UBE2D3: variants seen among roughly 807,000 people sequenced by gnomAD.
The protein encoded by UBE2D3 is ubiquitin conjugating enzyme E2 D3, also known as ubiquitin-conjugating enzyme E2 D3.
Under a neutral mutation model 22.8 loss-of-function variants are expected in UBE2D3, and 2 were observed. The ratio of observed to expected loss-of-function variants is 0.09; its 90% CI spans 0.04 to 0.28. The LOEUF (loss-of-function observed/expected upper bound fraction) is 0.28. Among genes scored for constraint, UBE2D3 ranks in the 10% least tolerant of loss-of-function variants. UBE2D3 has a pLI of 1.00. For missense variants in UBE2D3, 27 were observed against 182.5 expected, an observed-to-expected ratio of 0.15 and a Z score of 4.91; for synonymous variants, 56 against 60.4, an observed-to-expected ratio of 0.93 and a Z score of 0.34.
intron 1 of UBE2D3, among the ~76,000 whole-genome samples, chr4:102,835,814 T>G (rs141473023): frequency 6.6e-6 from 1 of 152,308 alleles, no homozygotes; most frequent in East Asian, 1.9e-4. Flanking sequence ...AAAATCAAGA[T>G]AATGAACTTC....
chr4:102,828,020 G>A (rs1163480783), upstream of UBE2D3: 1 of 985,458 alleles, frequency 1.0e-6, no homozygotes, highest in Non-Finnish European at 1.2e-6. Flanking sequence ...TGACTTAAGA[G>A]CAGTTTTGTG....
upstream of UBE2D3, chr4:102,827,680 G>A: frequency 2.0e-6 from 2 of 986,022 alleles, no homozygotes; most frequent in Non-Finnish European, 2.4e-6. Flanking sequence ...TGCTTCCCAC[G>A]TCCGGGGCCG....
At chr4:102,824,799 C>T (rs113904676) in intron 2 of UBE2D3, among the ~76,000 whole-genome samples, 1,605 of 152,284 alleles carry the variant, frequency 0.011, 21 homozygotes, top group African/African-American at 0.036. Context: ...TTTATTTGTA[C>T]TGAATGTTAT....
chr4:102,812,407 G>T (rs1290702897), intron 2 of UBE2D3: 2 of 152,198 alleles, frequency 1.3e-5, no homozygotes, highest in Non-Finnish European at 2.9e-5. Context: ...GGAAATAAAT[G>T]AGTCCTCTAA....
At position 102,826,523 on chromosome 4, in the gene UBE2D3, G is replaced by T. The variant is rs761442131; in HGVS notation, c.-15C>A. On this transcript the variant is annotated 5_prime_UTR_variant, in exon 2 of 8. Transcript: ENST00000453744. ...TTCAGCGCCATAGTGTGTGCTTGTC[G>T]TCTGGCTCCTCACTCTCTCGGTGTA... The T allele has an allele frequency of 1.1e-5, 17 of 1,612,880 alleles. No individual in the cohort carries two copies. In the East Asian group the frequency reaches 1.3e-4, roughly 13 times the overall value.
chr4:102,819,707 G>A (rs1729290983), intron 2 of UBE2D3: 2 of 479,476 alleles, frequency 4.2e-6, no homozygotes, highest in South Asian at 8.9e-5. Flanking sequence ...TTATCACCAC[G>A]ATGTTCCACA....
In UBE2D3 at chr4:102,809,351, CTT is replaced by C. The variant is rs778176380; in HGVS notation, c.120+319_120+320del. Reference sequence around the variant, plus strand: ...ACGCATGGCATATCAGAGCCAGTAACTTTGTCTCTATAAATAACAGGAAGTTC... The same window carrying C: ...ACGCATGGCATATCAGAGCCAGTAACTGTCTCTATAAATAACAGGAAGTTC... On this transcript the variant is annotated intron_variant, in intron 4 of 7. Transcript: ENST00000453744. 2.5e-4 allele frequency: 73 copies of C among 295,596 alleles called. 1 individual carries two copies. The East Asian group carries it at 5.2e-3, about 21-fold the overall frequency. The allele number at this position is 295,596 out of a possible 1,614,324, so 18.3% of individuals were successfully genotyped here. A position where few individuals can be genotyped will look rare whatever the true frequency, so the allele number is the denominator to read the frequency against.
At chr4:102,813,885 AG>A (rs1475272928) in intron 2 of UBE2D3, among the ~76,000 whole-genome samples, 1 of 152,236 alleles carries the variant, frequency 6.6e-6, no homozygotes, top group Non-Finnish European at 1.5e-5. Flanking sequence ...TGGTCAGTCT[AG>A]ATTAATGCCA....
chr4:102,798,918 A>G (rs757837896), intron 7 of UBE2D3: 6 of 1,611,708 alleles, frequency 3.7e-6, no homozygotes, highest in Non-Finnish European at 5.1e-6. Context: ...TAGAGTGCAG[A>G]TCCTCTTACC....
chr4:102,827,846 C>G (rs1040602898), upstream of UBE2D3: 1 of 985,604 alleles, frequency 1.0e-6, no homozygotes, highest in Non-Finnish European at 1.2e-6. Context: ...AGAGAAGCAT[C>G]GAGAACCGGA....
intron 1 of UBE2D3, among the ~76,000 whole-genome samples, chr4:102,857,591 CAG>C (rs1732686994): frequency 6.6e-6 from 1 of 152,146 alleles, no homozygotes; most frequent in African/African-American, 2.4e-5. Flanking sequence ...TAACATGACA[CAG>C]AGGAACCAGG....
chr4:102,826,811 G>C, intron 1 of UBE2D3, 175 bp from the exon 2 acceptor site: 1 of 1,237,314 alleles, frequency 8.1e-7, no homozygotes, highest in Non-Finnish European at 1.0e-6. Context: ...CGGGAAGAGC[G>C]GAGGTGGTGG....
chr4:102,850,738 A>C (rs181779855), intron 1 of UBE2D3, among the ~76,000 whole-genome samples: 2 of 152,330 alleles, frequency 1.3e-5, no homozygotes, highest in Admixed American at 1.3e-4. Flanking sequence ...ATACCACGGA[A>C]TACTACTCAG....
intron 1 of UBE2D3, among the ~76,000 whole-genome samples, chr4:102,868,117 G>C (rs896601895): frequency 7.8e-6 from 1 of 128,780 alleles, no homozygotes; most frequent in African/African-American, 3.1e-5. Context: ...CTGTCTCCCA[G>C]GCTAGAGTGC....
chr4:102,798,279 A>AATATATATATATGTATATATATATATAT (rs1725527188), intron 7 of UBE2D3, among the ~76,000 whole-genome samples: 1 of 111,860 alleles, frequency 8.9e-6, no homozygotes, highest in African/African-American at 4.0e-5. Flanking sequence ...TTAAGAAATG[A>AATATATATATATGTATATATATATATAT]ATATATATAT....
At chr4:102,847,460 A>G (rs182397971) in intron 1 of UBE2D3, among the ~76,000 whole-genome samples, 4 of 151,022 alleles carry the variant, frequency 2.6e-5, no homozygotes, top group African/African-American at 7.3e-5. Context: ...TAATTTTTGT[A>G]TTTTTTCATA....
At chr4:102,815,805 T>C (rs1460503229) in intron 2 of UBE2D3, among the ~76,000 whole-genome samples, 2 of 152,184 alleles carry the variant, frequency 1.3e-5, no homozygotes, top group African/African-American at 4.8e-5. Context: ...TTACCTACTT[T>C]AAATTCAATA....
At position 102,826,722 on chromosome 4, in the gene UBE2D3, CGGGGTGGGT is replaced by C. The variant is rs1475483895; in HGVS notation, c.-128-95_-128-87del. The stretch of plus-strand genomic sequence containing the variant: ...CAGGTCCCTTAAGACAGCCGCGATC[CGGGGTGGGT>C]GGGGTGGCGTGGCAAAGCCACCAAC... On this transcript the variant is annotated intron_variant, in intron 1 of 7. Coordinates refer to ENST00000453744, the MANE Select transcript of UBE2D3 (RefSeq NM_181891.3). 4 of 1,424,044 alleles carry C rather than the reference CGGGGTGGGT, an allele frequency of 2.8e-6. No individual in the cohort carries two copies. The East Asian group carries it at 1.1e-4, about 38-fold the overall frequency. 88.2% of individuals were successfully genotyped at this position (1,424,044 alleles called of 1,614,324 possible).
At chr4:102,799,677 TA>T (rs1239756545) in intron 6 of UBE2D3, among the ~76,000 whole-genome samples, 177 bp from the exon 7 acceptor site, 1 of 151,884 alleles carries the variant, frequency 6.6e-6, no homozygotes, top group Non-Finnish European at 1.5e-5. Context: ...TCCTGGTAAG[TA>T]AGAAGTGCTA....
Sources: gnomAD v4.1 joint callset for allele counts (sites outside exome capture counted in the v4.1 genomes callset) on GRCh38, gnomAD v4.1.1 for gene constraint, MANE v1.5 for transcripts, NCBI Gene and HGNC (gene_info 2026-07-23, HGNC 2026-07-21) for gene names.